CA10: variants seen among roughly 807,000 people sequenced by gnomAD.
CA10 encodes the protein carbonic anhydrase-related protein 10.
Under a neutral mutation model 44.2 loss-of-function variants are expected in CA10, and 14 were observed. The observed-to-expected ratio is 0.32, with a 90% CI of 0.21 to 0.50. CA10 has a LOEUF of 0.50. Among genes scored for constraint, CA10 ranks in the 20% least tolerant of loss-of-function variants. The pLI is 0.99. For missense variants in CA10, 350 were observed against 409.7 expected, an observed-to-expected ratio of 0.85 and a Z score of 1.26; for synonymous variants, 159 against 141.6, an observed-to-expected ratio of 1.12 and a Z score of -0.87.
intron 4 of CA10, among the ~76,000 whole-genome samples, chr17:51,735,646 A>G (rs923534700): frequency 1.3e-5 from 2 of 152,202 alleles, no homozygotes; most frequent in Non-Finnish European, 2.9e-5. Flanking sequence ...ATTCTGTGCA[A>G]ACAACTATTC....
intron 3 of CA10, among the ~76,000 whole-genome samples, chr17:51,927,511 T>C (rs1472107383): frequency 6.6e-6 from 1 of 152,112 alleles, no homozygotes; most frequent in Non-Finnish European, 1.5e-5. Context: ...AAAGCAAATA[T>C]CTATATTCCA....
intron 2 of CA10, among the ~76,000 whole-genome samples, chr17:52,051,593 T>C (rs1308325473): frequency 6.6e-6 from 1 of 152,040 alleles, no homozygotes; most frequent in African/African-American, 2.4e-5. Flanking sequence ...AATGATACCA[T>C]CTCACACCAA....
At chr17:52,062,320 GA>G (rs1173605830) in intron 2 of CA10, among the ~76,000 whole-genome samples, 4 of 151,958 alleles carry the variant, frequency 2.6e-5, no homozygotes, top group Non-Finnish European at 2.9e-5. Context: ...AAGGAAAGCA[GA>G]ATATAAAAAC....
intron 4 of CA10, among the ~76,000 whole-genome samples, chr17:51,705,263 C>T (rs896862255): frequency 6.6e-6 from 1 of 152,186 alleles, no homozygotes; most frequent in African/African-American, 2.4e-5. Context: ...AGCCTACTCA[C>T]CATTTCTTCA....
At chr17:51,714,355 T>G (rs1916032046) in intron 4 of CA10, among the ~76,000 whole-genome samples, 1 of 152,226 alleles carries the variant, frequency 6.6e-6, no homozygotes, top group South Asian at 2.1e-4. Context: ...TCCTTTCACC[T>G]TTGTCACCTG....
rs1354409897 is a variant in CA10, at chr17:52,002,328, G to A, written c.136+69991C>T. Among the ~76,000 whole-genome samples, 29 of 151,972 alleles carry A rather than the reference G, an allele frequency of 1.9e-4. 1 individual carries two copies. Among genetic ancestry groups the A allele is most frequent in the Admixed American group, 1.9e-3 (29 of 15,240 alleles). On this transcript the variant is annotated intron_variant, in intron 2 of 8. Coordinates refer to ENST00000451037, the MANE Select transcript of CA10 (RefSeq NM_020178.5). ...AAGACAAGCAGTGATCTGTATCAGG[G>A]AGAGAGGGGAGGCCAGAGGGCATGT...
chr17:51,905,526 CTTTTTTT>C (rs34606778), intron 3 of CA10, among the ~76,000 whole-genome samples: 2 of 99,856 alleles, frequency 2.0e-5, no homozygotes, highest in African/African-American at 1.0e-4. Context: ...CCTATCAGTC[CTTTTTTT>C]TTTTTTTTTT....
chr17:51,982,593 T>C (rs1984688573), intron 2 of CA10, among the ~76,000 whole-genome samples: 1 of 151,994 alleles, frequency 6.6e-6, no homozygotes, highest in Admixed American at 6.6e-5. Flanking sequence ...CCAAACTGTG[T>C]CTAGTGGTCA....
At chr17:51,763,405 G>T (rs910834424) in intron 3 of CA10, 1 of 152,184 alleles carries the variant, frequency 6.6e-6, no homozygotes, top group African/African-American at 2.4e-5. Flanking sequence ...GTATTGAGTG[G>T]TTCTGAAGTT....
intron 2 of CA10, among the ~76,000 whole-genome samples, chr17:52,052,289 C>T (rs1598188242): frequency 9.5e-5 from 2 of 21,078 alleles, no homozygotes; most frequent in Admixed American, 2.5e-4. Context: ...ACTTAAAAGG[C>T]TTTTTTTTTT....
chr17:51,804,480 T>C (rs1165865223), intron 3 of CA10, among the ~76,000 whole-genome samples: 3 of 152,248 alleles, frequency 2.0e-5, no homozygotes, highest in Non-Finnish European at 4.4e-5. Context: ...TCTTCTCTTT[T>C]GAAACTGCTC....
intron 3 of CA10, 100 bp from the exon 4 acceptor site, chr17:51,747,918 A>G: frequency 1.2e-6 from 1 of 833,700 alleles, no homozygotes; most frequent in Non-Finnish European, 1.9e-6. Flanking sequence ...CTTCCTCTTG[A>G]TGGGAAGATG....
intron 3 of CA10, among the ~76,000 whole-genome samples, chr17:51,846,642 G>A (rs1978506202): frequency 6.6e-6 from 1 of 152,164 alleles, no homozygotes; most frequent in African/African-American, 2.4e-5. Flanking sequence ...ATAGTCTTTT[G>A]AATGCCAGCA....
At chr17:52,137,142 A>T (rs1308954115) in intron 1 of CA10, among the ~76,000 whole-genome samples, 1 of 151,526 alleles carries the variant, frequency 6.6e-6, no homozygotes, top group Non-Finnish European at 1.5e-5. Flanking sequence ...AGCTTGGCAC[A>T]CAGGGAGGTA....
chr17:51,705,255 C>G (rs943670251), intron 4 of CA10, among the ~76,000 whole-genome samples: 1 of 152,184 alleles, frequency 6.6e-6, no homozygotes, highest in African/African-American at 2.4e-5. Flanking sequence ...CAGATAGCAG[C>G]CTACTCACCA....
chr17:52,036,962 C>T (rs1373016318), intron 2 of CA10, among the ~76,000 whole-genome samples: 1 of 152,100 alleles, frequency 6.6e-6, no homozygotes, highest in Non-Finnish European at 1.5e-5. Flanking sequence ...CTAGTCCCTG[C>T]CTGACTCAGG....
At chr17:51,634,025 A>G (rs1185360221) in intron 7 of CA10, among the ~76,000 whole-genome samples, 2 of 152,210 alleles carry the variant, frequency 1.3e-5, no homozygotes, top group Non-Finnish European at 2.9e-5. Flanking sequence ...TACGTGGATC[A>G]TAGTGATTGG....
At chr17:52,034,255 G>T (rs568999113) in intron 2 of CA10, among the ~76,000 whole-genome samples, 1 of 152,282 alleles carries the variant, frequency 6.6e-6, no homozygotes, top group South Asian at 2.1e-4. Context: ...GGAGGTGATA[G>T]GTTTATGGCA....
chr17:51,954,578 A>T (rs1475427895), intron 2 of CA10, among the ~76,000 whole-genome samples: 1 of 152,190 alleles, frequency 6.6e-6, no homozygotes, highest in Non-Finnish European at 1.5e-5. Context: ...CTAGTAAAAA[A>T]AACCAGATAT....
Sources: allele counts gnomAD v4.1 joint callset (sites outside exome capture counted in the v4.1 genomes callset), GRCh38; gene constraint gnomAD v4.1.1; transcripts MANE v1.5; gene names NCBI Gene and HGNC (gene_info 2026-07-23, HGNC 2026-07-21).